The following ST14 variants were observed in gnomAD, a reference collection of about 807,000 sequenced individuals.
ST14 encodes the protein ST14 transmembrane serine protease matriptase, also known as suppressor of tumorigenicity 14 protein.
ST14 carries 40 observed loss-of-function variants against 96.5 expected under a neutral mutation model. The ratio of observed to expected loss-of-function variants is 0.41; its 90% CI spans 0.32 to 0.54. The LOEUF is 0.54. ST14 is among the 20% of genes least tolerant of loss of function. The probability of loss-of-function intolerance (pLI) is 0.17; values close to 1 mark genes in which losing one functional copy is unlikely to be tolerated. For synonymous variants in ST14, 506 were observed against 492.1 expected (o/e 1.03, Z -0.37); for missense variants, 1,066 against 1,188.9 (o/e 0.90, Z 1.52).
intron 1 of ST14, among the ~76,000 whole-genome samples, chr11:130,180,482 G>A (rs926422638): frequency 6.6e-6 from 1 of 152,190 alleles, no homozygotes; most frequent in African/African-American, 2.4e-5. Flanking sequence ...TTTTGTTGTT[G>A]GTAAGTGTAG....
At chr11:130,176,788 CTTTT>C (rs56764956) in intron 1 of ST14, among the ~76,000 whole-genome samples, 109 of 59,192 alleles carry the variant, frequency 1.8e-3, no homozygotes, top group Non-Finnish European at 2.3e-3. Flanking sequence ...TAGGGCTTAA[CTTTT>C]TTTTTTTTTT....
chr11:130,182,672 C>G (rs1953203865), intron 1 of ST14, among the ~76,000 whole-genome samples: 1 of 146,240 alleles, frequency 6.8e-6, no homozygotes, highest in African/African-American at 2.5e-5. Flanking sequence ...TTTTTTGAGA[C>G]CGAGTCTCAC....
chr11:130,174,846 G>C (rs978122472), intron 1 of ST14, among the ~76,000 whole-genome samples: 1 of 152,172 alleles, frequency 6.6e-6, no homozygotes, highest in Non-Finnish European at 1.5e-5. Flanking sequence ...TGATGAACCA[G>C]CCAGCCTAGC....
chr11:130,188,051 C>G lies in ST14; in HGVS notation c.82-63C>G. On this transcript the variant is annotated intron_variant, in intron 1 of 18. Coordinates refer to ENST00000278742, the MANE Select transcript of ST14 (RefSeq NM_021978.4). This position sits in a 1 kb window ranked among gnomAD's most constrained non-coding sequence, Gnocchi z 5.4. ...ACCTCACAAAATGTGAACATCTTCC[C>G]CAGCGGGGTGCAGGGGAAGAGCGGG... is the stretch of plus-strand genomic sequence containing the variant. The G allele has an allele frequency of 1.3e-6, 2 of 1,599,290 alleles. No homozygotes were observed. The highest frequency in any genetic ancestry group is 8.5e-7 in the Non-Finnish European group (1 of 1,172,656).
At chr11:130,197,290 A>C (rs922965169) in intron 11 of ST14, among the ~76,000 whole-genome samples, 10 of 152,224 alleles carry the variant, frequency 6.6e-5, no homozygotes, top group Non-Finnish European at 1.3e-4. Flanking sequence ...CCTGTGACCG[A>C]AGTGTCCCTG....
At chr11:130,184,278 AGCT>A (rs1953218750) in intron 1 of ST14, among the ~76,000 whole-genome samples, 1 of 152,214 alleles carries the variant, frequency 6.6e-6, no homozygotes, top group Admixed American at 6.5e-5. Flanking sequence ...ACCTCAATGA[AGCT>A]GCTTTTTAAA....
intron 11 of ST14, 115 bp downstream of exon 11, chr11:130,196,815 A>C: frequency 6.7e-7 from 1 of 1,493,830 alleles, no homozygotes; most frequent in African/African-American, 1.4e-5. Flanking sequence ...AGAATGTAAG[A>C]GCATCTCACC....
At chr11:130,170,443 G>C (rs779506436) in intron 1 of ST14, among the ~76,000 whole-genome samples, 1 of 152,124 alleles carries the variant, frequency 6.6e-6, no homozygotes, top group African/African-American at 2.4e-5. Flanking sequence ...AGAGGAAACC[G>C]GGGCACTGTG....
Position 130,176,035 on chromosome 11 carries a change from G to A in ST14, c.82-12079G>A, listed in dbSNP as rs566957113. Among the ~76,000 whole-genome samples the A allele has an allele frequency of 2.0e-5, 3 of 152,304 alleles. No homozygotes were observed. The South Asian group carries it at 6.2e-4, about 32-fold the overall frequency. On this transcript the variant is annotated intron_variant, in intron 1 of 18. Coordinates refer to ENST00000278742, the MANE Select transcript of ST14 (RefSeq NM_021978.4). ...TAGCTCATGACAGTTTCCTGCTCGT[G>A]TAGGGATGCAATGCGTTTCTGTGCC...
At chr11:130,183,647 T>C (rs1953213926) in intron 1 of ST14, among the ~76,000 whole-genome samples, 1 of 152,172 alleles carries the variant, frequency 6.6e-6, no homozygotes, top group South Asian at 2.1e-4. Flanking sequence ...ATTGCTCAAC[T>C]AATTTAGGTC....
intron 1 of ST14, among the ~76,000 whole-genome samples, chr11:130,185,973 A>G (rs542597104): frequency 1.3e-5 from 2 of 151,810 alleles, no homozygotes; most frequent in African/African-American, 4.8e-5. Flanking sequence ...GCGCCTGGCT[A>G]ATTTTTGTAT....
chr11:130,205,782 T>G (rs1565629247), intron 16 of ST14, among the ~76,000 whole-genome samples: 1 of 130,150 alleles, frequency 7.7e-6, no homozygotes, highest in Non-Finnish European at 1.6e-5. Flanking sequence ...CACTGCAACC[T>G]CCACCTCCCA....
intron 1 of ST14, among the ~76,000 whole-genome samples, chr11:130,176,254 C>G (rs1206988910): frequency 2.0e-5 from 3 of 152,054 alleles, no homozygotes; most frequent in Non-Finnish European, 4.4e-5. Flanking sequence ...TATTATAGGT[C>G]TTGCTGTATA....
In ST14 at chr11:130,209,652, C is replaced by T. The variant is rs1297914190; in HGVS notation, c.2407-10C>T. 6.2e-7 allele frequency: 1 copy of T among 1,603,558 alleles called. No individual in the cohort carries two copies. Among genetic ancestry groups the T allele is most frequent in the African/African-American group, 1.3e-5 (1 of 74,814 alleles). On this transcript the variant is annotated splice_polypyrimidine_tract_variant and intron_variant, in intron 18 of 18. Coordinates refer to ENST00000278742, the MANE Select transcript of ST14 (RefSeq NM_021978.4). ...ACTGGGGACTCACGGCAGGGCTTGTCTCCGCCCAGGGTGATTCCGGGGGAC... is the reference window on the plus strand; with the variant it reads ...ACTGGGGACTCACGGCAGGGCTTGTTTCCGCCCAGGGTGATTCCGGGGGAC...
At chr11:130,199,315 G>A (rs536075220) in intron 15 of ST14, among the ~76,000 whole-genome samples, 150 of 152,348 alleles carry the variant, frequency 9.8e-4, no homozygotes, top group Non-Finnish European at 1.7e-3. Context: ...GTAGCATGGC[G>A]GGGTCGTGGC....
chr11:130,191,689 C>CA (rs4054265), intron 7 of ST14, among the ~76,000 whole-genome samples: 123 of 108,926 alleles, frequency 1.1e-3, no homozygotes, highest in Middle Eastern at 4.6e-3. Context: ...GACTCTGTCT[C>CA]AAAAAAAAAA....
Position 130,196,628 on chromosome 11 carries a change from C to G in ST14, c.1282C>G (p.Arg428Gly). 6.2e-7 allele frequency: 1 copy of G among 1,613,686 alleles called. No individual in the cohort carries two copies. The highest frequency in any genetic ancestry group is 8.5e-7 in the Non-Finnish European group (1 of 1,179,896). ...VTSNSNKITV[R>G]FHSDQSYTDT... ...CAGCAACAGCAACAAGATCACAGTT[C>G]GCTTCCACTCAGATCAGTCCTACAC... The change falls in exon 11 of 19, where the codon CGC (arginine) becomes GGC (glycine). Residue 428 changes from arginine (R) to glycine (G), a missense_variant. By Grantham distance (125) the Arg-to-Gly change is moderately radical. Coordinates refer to ENST00000278742, the MANE Select transcript of ST14 (RefSeq NM_021978.4).
Position 130,181,270 on chromosome 11 carries a change from C to T in ST14, c.82-6844C>T, listed in dbSNP as rs59290313. On this transcript the variant is annotated intron_variant, in intron 1 of 18. Transcript: ENST00000278742. The surrounding 1 kb of genome is among the most constrained non-coding windows in gnomAD (Gnocchi z 4.1). ...GATCCTGGCCCTTTAGGGTCTGTAC[C>T]CTGCTTGTCCTGAGCCCTTTATCCC... is the stretch of plus-strand genomic sequence containing the variant. 0.07 allele frequency among the ~76,000 whole-genome samples: 10,639 copies of T among 152,082 alleles called. 479 individuals carry two copies. The highest frequency in any genetic ancestry group is 0.15 in the East Asian group (794 of 5,166).
At chr11:130,163,169 T>C (rs1310584816) in intron 1 of ST14, among the ~76,000 whole-genome samples, 1 of 152,148 alleles carries the variant, frequency 6.6e-6, no homozygotes, top group Non-Finnish European at 1.5e-5. Flanking sequence ...ACCCAGGCTG[T>C]CAGTGGGGCC....
Sources: gnomAD v4.1 joint callset for allele counts (sites outside exome capture counted in the v4.1 genomes callset) on GRCh38, gnomAD v4.1.1 for gene constraint, Gnocchi (gnomAD v3.1) non-coding constraint, MANE v1.5 for transcripts, NCBI Gene and HGNC (gene_info 2026-07-23, HGNC 2026-07-21) for gene names.